Variants in MAML3 observed in about 807,000 individuals in gnomAD.
MAML3 encodes the protein mastermind-like protein 3.
A neutral mutation model predicts 101.9 loss-of-function variants in MAML3; 27 were observed. The observed-to-expected ratio is 0.27, with a 90% CI of 0.20 to 0.37. The LOEUF (loss-of-function observed/expected upper bound fraction) is 0.37. Among genes scored for constraint, MAML3 ranks in the 10% least tolerant of loss-of-function variants. The probability of loss-of-function intolerance (pLI) is 1.00; values close to 1 mark genes in which losing one functional copy is unlikely to be tolerated. For synonymous variants in MAML3, 501 were observed against 555.9 expected, an observed-to-expected ratio of 0.90 and a Z score of 1.39; for missense variants, 1,316 against 1,444.9, an observed-to-expected ratio of 0.91 and a Z score of 1.45.
chr4:139,746,902 T>G (rs1464376204), intron 2 of MAML3, among the ~76,000 whole-genome samples: 5 of 151,532 alleles, frequency 3.3e-5, no homozygotes, highest in African/African-American at 7.3e-5. Context: ...TGGGAGGGGG[T>G]TGCTGGCGTC....
intron 1 of MAML3, among the ~76,000 whole-genome samples, chr4:139,911,223 C>CA (rs1553963604): frequency 1.4e-5 from 2 of 145,590 alleles, no homozygotes; most frequent in African/African-American, 2.5e-5. Flanking sequence ...TCAGAATTTC[C>CA]TTTTTTTTTT....
Position 139,999,915 on chromosome 4 carries a change from T to C in MAML3, c.469-108948A>G, listed in dbSNP as rs1167203783. ...TCACAGATGTGGATTACCAGGTACATTTGGGGAAGAAATGTGCTTTTCCCC... is the reference window on the plus strand; with the variant it reads ...TCACAGATGTGGATTACCAGGTACACTTGGGGAAGAAATGTGCTTTTCCCC... On this transcript the variant is annotated intron_variant, in intron 1 of 4. Coordinates refer to ENST00000509479, the MANE Select transcript of MAML3 (RefSeq NM_018717.5). Among the ~76,000 whole-genome samples, 10 of 152,238 alleles carry C rather than the reference T, an allele frequency of 6.6e-5. No homozygotes were observed. The East Asian group carries it at 1.3e-3, about 20-fold the overall frequency.
intron 1 of MAML3, among the ~76,000 whole-genome samples, chr4:139,921,149 G>A (rs1733123725): frequency 6.6e-6 from 1 of 152,180 alleles, no homozygotes; most frequent in South Asian, 2.1e-4. Context: ...TGGGCCAGTG[G>A]CACATTCTCT....
chr4:140,134,220 G>A (rs1321386340), intron 1 of MAML3: 1 of 456,594 alleles, frequency 2.2e-6, no homozygotes, highest in Non-Finnish European at 4.4e-6. Context: ...GAAGTACGGG[G>A]AAAGTAAAAC....
At chr4:140,045,513 C>T (rs142030496) in intron 1 of MAML3, among the ~76,000 whole-genome samples, 8 of 150,604 alleles carry the variant, frequency 5.3e-5, no homozygotes, top group Non-Finnish European at 1.0e-4. Flanking sequence ...CTAAAATATT[C>T]TTCTAAAGTG....
At chr4:139,893,493 G>T (rs1427529414) in intron 1 of MAML3, among the ~76,000 whole-genome samples, 1 of 152,114 alleles carries the variant, frequency 6.6e-6, no homozygotes, top group Non-Finnish European at 1.5e-5. Flanking sequence ...TGCTTACTGT[G>T]TAAGCACCAC....
At chr4:139,913,659 G>A (rs901642594) in intron 1 of MAML3, among the ~76,000 whole-genome samples, 3 of 152,150 alleles carry the variant, frequency 2.0e-5, no homozygotes, top group South Asian at 2.1e-4. Flanking sequence ...GGGGCTGTGG[G>A]GGTGTCAGCG....
At chr4:139,779,448 T>C (rs10213135) in intron 2 of MAML3, among the ~76,000 whole-genome samples, 16,126 of 152,272 alleles carry the variant, frequency 0.11, 964 homozygotes, top group Admixed American at 0.18. Flanking sequence ...AAAGTCCTAG[T>C]GGTCACAATT....
At chr4:140,118,587 G>A (rs1728552564) in intron 1 of MAML3, among the ~76,000 whole-genome samples, 2 of 152,160 alleles carry the variant, frequency 1.3e-5, no homozygotes, top group South Asian at 2.1e-4. Context: ...GCTCACACCT[G>A]TAATCCCAGC....
rs1200973325 is a variant in MAML3 at position 139,730,957 on chromosome 4, A to G, written c.2080-290T>C. Reference sequence around the variant, plus strand: ...CTATTGCATATAGACTGGATTTTCAACTAACATCCTGTGTTCCTCCAAGGA... The same window carrying G: ...CTATTGCATATAGACTGGATTTTCAGCTAACATCCTGTGTTCCTCCAAGGA... On this transcript the variant is annotated intron_variant, in intron 2 of 4. Coordinates refer to ENST00000509479, the MANE Select transcript of MAML3 (RefSeq NM_018717.5). The G allele has an allele frequency of 1.2e-5, 5 of 423,866 alleles. No homozygotes were observed. In the South Asian group the frequency reaches 1.3e-4, roughly 11 times the overall value. 26.3% of individuals were successfully genotyped at this position (423,866 alleles called of 1,614,324 possible).
chr4:139,949,101 C>T (rs372565850), intron 1 of MAML3, among the ~76,000 whole-genome samples: 20 of 152,230 alleles, frequency 1.3e-4, no homozygotes, highest in African/African-American at 2.9e-4. Flanking sequence ...CTGCAACCTC[C>T]GCCTCCTGGG....
At chr4:140,012,322 T>TA (rs1560866326) in intron 1 of MAML3, among the ~76,000 whole-genome samples, 5 of 152,064 alleles carry the variant, frequency 3.3e-5, no homozygotes, top group Non-Finnish European at 5.9e-5. Flanking sequence ...ATTATGAGTG[T>TA]TATAGGCTGT....
intron 1 of MAML3, among the ~76,000 whole-genome samples, chr4:140,046,080 T>C (rs1727178578): frequency 6.6e-6 from 1 of 152,188 alleles, no homozygotes. Context: ...TATGCTATGG[T>C]CTAAATATTT....
intron 1 of MAML3, among the ~76,000 whole-genome samples, chr4:140,057,747 C>A (rs971494167): frequency 6.6e-6 from 1 of 152,096 alleles, no homozygotes; most frequent in African/African-American, 2.4e-5. Flanking sequence ...ATTCAAGGAC[C>A]CCAAATACCA....
At chr4:139,888,481 A>C in intron 2 of MAML3, 1 of 514,698 alleles carries the variant, frequency 1.9e-6, no homozygotes, top group African/African-American at 1.9e-5. Flanking sequence ...GCATTTCCCC[A>C]CTCTCTCCTT....
chr4:140,056,789 C>T (rs932127116), intron 1 of MAML3, among the ~76,000 whole-genome samples: 14 of 147,248 alleles, frequency 9.5e-5, no homozygotes, highest in African/African-American at 2.7e-4. Context: ...CCAGCCTCAG[C>T]GACAGAGCAA....
chr4:140,069,366 A>AGAAGG lies in MAML3; in HGVS notation c.468+83493_468+83494insCCTTC, dbSNP rs1560883487. Reference sequence around the variant, plus strand: ...GGAGAAGGAGAAGGAGAAGGAGAAGAAGAAGAAGAAGAAGAAGAAGGAGGA... The same window carrying AGAAGG: ...GGAGAAGGAGAAGGAGAAGGAGAAGAGAAGGAGAAGAAGAAGAAGAAGAAGGAGGA... On this transcript the variant is annotated intron_variant, in intron 1 of 4. Transcript: ENST00000509479. Among the ~76,000 whole-genome samples, 148 of 122,690 alleles carry AGAAGG rather than the reference A, an allele frequency of 1.2e-3. 1 individual carries two copies. The highest frequency in any genetic ancestry group is 4.6e-3 in the African/African-American group (139 of 30,406). The allele number at this position is 122,690 out of a possible 152,430, so 80.5% of individuals were successfully genotyped here.
intron 2 of MAML3, among the ~76,000 whole-genome samples, chr4:139,781,159 C>T (rs1036089263): frequency 6.6e-6 from 1 of 152,078 alleles, no homozygotes; most frequent in Non-Finnish European, 1.5e-5. Flanking sequence ...TTATTTACCA[C>T]CGTCAAAGGT....
chr4:139,722,363 C>T (rs573985558), intron 4 of MAML3, among the ~76,000 whole-genome samples: 82 of 152,108 alleles, frequency 5.4e-4, no homozygotes, highest in South Asian at 2.5e-3. Flanking sequence ...TTATGCCTTC[C>T]GTGATTTTAA....
Sources: allele counts gnomAD v4.1 joint callset (sites outside exome capture counted in the v4.1 genomes callset), GRCh38; gene constraint gnomAD v4.1.1; transcripts MANE v1.5; gene names NCBI Gene and HGNC (gene_info 2026-07-23, HGNC 2026-07-21).